FAT3: variants seen among roughly 807,000 people sequenced by gnomAD.
FAT3 encodes protocadherin Fat 3.
Under a neutral mutation model 310.2 loss-of-function variants are expected in FAT3, and 95 were observed. That is an observed-to-expected ratio of 0.31 (90% CI 0.26 to 0.36). FAT3 has a LOEUF of 0.36. Ranked by LOEUF, FAT3 falls within the 10% of genes least tolerant of loss-of-function variation. The pLI, the probability that FAT3 is intolerant of heterozygous loss-of-function variation, is 1.00. For synonymous variants in FAT3, 2,314 were observed against 2,192.9 expected (o/e 1.06, Z -1.54); for missense variants, 5,408 against 5,715.6 (o/e 0.95, Z 1.74).
intron 19 of FAT3, among the ~76,000 whole-genome samples, chr11:92,852,071 G>T (rs552777376): frequency 1.3e-5 from 2 of 152,174 alleles, no homozygotes; most frequent in African/African-American, 2.4e-5. Context: ...CTGGAAAGAG[G>T]GTTGCTATCC....
intron 2 of FAT3, among the ~76,000 whole-genome samples, chr11:92,477,732 C>T (rs867726802): frequency 3.3e-5 from 5 of 152,226 alleles, no homozygotes; most frequent in East Asian, 3.9e-4. Flanking sequence ...GAGCAGGTGC[C>T]GAGTAAATAT....
chr11:92,254,194 G>T (rs1204292453), intron 1 of FAT3, among the ~76,000 whole-genome samples: 1 of 152,106 alleles, frequency 6.6e-6, no homozygotes, highest in Non-Finnish European at 1.5e-5. Flanking sequence ...GCCCAGCAAC[G>T]CTGCCTTCTG....
intron 2 of FAT3, among the ~76,000 whole-genome samples, chr11:92,485,457 A>C (rs1459379022): frequency 6.6e-6 from 1 of 152,214 alleles, no homozygotes; most frequent in Non-Finnish European, 1.5e-5. Context: ...ACCAGACTAT[A>C]GCTGTATTTA....
rs750842432 is a variant in FAT3, at chr11:92,805,329, A to T, written c.9073A>T (p.Asn3025Tyr). The stretch of plus-strand genomic sequence containing the variant: ...AGTGAGCGTCAGTGATGTGAATGAC[A>T]ATAGCCCAGTGTGTGATCAGGTGAG... ...VEVSVSDVNDNSPVCDQVAYT... is the reference protein window; with the variant it reads ...VEVSVSDVNDYSPVCDQVAYT... The change falls in exon 11 of 28, where the codon AAT (asparagine) becomes TAT (tyrosine). Residue 3025 changes from asparagine to tyrosine, a missense_variant. Asn to Tyr is a moderately radical substitution (Grantham distance 143). Around this residue, in one of 5 missense-constraint regions of FAT3, gnomAD observed 4,588 missense variants for 4,809.8 expected, o/e 0.95. Transcript: ENST00000525166. 1.2e-6 allele frequency: 2 copies of T among 1,613,576 alleles called. No individual in the cohort carries two copies. The highest frequency in any genetic ancestry group is 1.7e-6 in the Non-Finnish European group (2 of 1,179,716).
intron 1 of FAT3, among the ~76,000 whole-genome samples, chr11:92,241,525 G>C (rs1864668652): frequency 6.6e-6 from 1 of 151,930 alleles, no homozygotes; most frequent in Non-Finnish European, 1.5e-5. Context: ...CAGAAAATGG[G>C]TCTGTGCTGG....
In FAT3 at chr11:92,836,648, C is replaced by G. The variant is rs1427098209; in HGVS notation, c.10169C>G (p.Thr3390Ser). The change falls in exon 16 of 28, where the codon ACT becomes AGT. Residue 3390 changes from threonine (T) to serine (S), a missense_variant. Physicochemically the swap from Thr to Ser is moderately conservative, Grantham distance 58. Coordinates refer to ENST00000525166, the MANE Select transcript of FAT3 (RefSeq NM_001367949.2). ...IVNGDRDNEF[T>S]VDPVLGLVKV... is the part of the protein sequence containing the mutation. ...AATGGAGATCGGGACAATGAATTTA[C>G]TGTAGATCCTGTCTTGGGACTTGTG... 17 of 1,613,614 alleles carry G rather than the reference C, an allele frequency of 1.1e-5. No individual in the cohort carries two copies. The highest frequency in any genetic ancestry group is 1.4e-5 in the Non-Finnish European group (17 of 1,179,752).
intron 3 of FAT3, among the ~76,000 whole-genome samples, chr11:92,596,904 G>A (rs1311314378): frequency 1.3e-5 from 2 of 152,224 alleles, no homozygotes; most frequent in Non-Finnish European, 2.9e-5. Flanking sequence ...CATTCCTGTG[G>A]ATTTTGTTCT....
chr11:92,355,997 T>C (rs1469658453), intron 2 of FAT3, among the ~76,000 whole-genome samples: 1 of 152,200 alleles, frequency 6.6e-6, no homozygotes, highest in African/African-American at 2.4e-5. Context: ...TTGCTATGAA[T>C]TTTATTTATA....
At chr11:92,735,565 GATA>G (rs1945318775) in intron 4 of FAT3, among the ~76,000 whole-genome samples, 1 of 127,800 alleles carries the variant, frequency 7.8e-6, no homozygotes, top group African/African-American at 2.8e-5. Flanking sequence ...AGCATAGATA[GATA>G]GATAGATAGA....
intron 3 of FAT3, among the ~76,000 whole-genome samples, chr11:92,649,473 C>T (rs1439881940): frequency 6.6e-6 from 1 of 152,156 alleles, no homozygotes; most frequent in African/African-American, 2.4e-5. Flanking sequence ...TGGTTATTTT[C>T]TTCCTTCACT....
intron 3 of FAT3, among the ~76,000 whole-genome samples, chr11:92,643,675 G>A (rs1942043555): frequency 6.6e-6 from 1 of 152,182 alleles, no homozygotes; most frequent in Non-Finnish European, 1.5e-5. Context: ...GACAGTCCCT[G>A]GCATTATGAA....
chr11:92,863,948 G>T (rs1014749030), intron 21 of FAT3, among the ~76,000 whole-genome samples: 2 of 152,196 alleles, frequency 1.3e-5, no homozygotes, highest in Non-Finnish European at 2.9e-5. Flanking sequence ...CTAGGATTTT[G>T]ACAATCCAAA....
chr11:92,542,443 G>A (rs759249735), intron 3 of FAT3, among the ~76,000 whole-genome samples: 12 of 151,608 alleles, frequency 7.9e-5, no homozygotes, highest in African/African-American at 1.2e-4. Context: ...CTAATAAGGG[G>A]CTAATAAATA....
chr11:92,670,538 T>TG (rs772735023), intron 3 of FAT3, among the ~76,000 whole-genome samples: 45 of 152,282 alleles, frequency 3.0e-4, no homozygotes, highest in Admixed American at 4.6e-4. Flanking sequence ...CTGCCTTGTT[T>TG]GGGGGGATGA....
chr11:92,571,483 C>A (rs1392180358), intron 3 of FAT3, among the ~76,000 whole-genome samples: 3 of 152,214 alleles, frequency 2.0e-5, no homozygotes, highest in African/African-American at 7.2e-5. Context: ...CCTGTTAGCC[C>A]CAACTGGAAA....
Position 92,352,524 on chromosome 11 carries a change from T to C in FAT3, c.412T>C (p.Leu138=), listed in dbSNP as rs1024047799. The C allele has an allele frequency of 6.2e-7, 1 of 1,613,536 alleles. No homozygotes were observed. Among genetic ancestry groups the C allele is most frequent in the Non-Finnish European group, 8.5e-7 (1 of 1,179,776 alleles). ...AAAAGGTTCTGTCAGAGGAGAGGAT[T>C]TGGAAGCATGGACCAAAGTGAATAT... ...IVKGSVRGED[L]EAWTKVNIQV... The change falls in exon 2 of 28, where the codon TTG becomes CTG. Residue 138 remains leucine, a synonymous_variant. Transcript: ENST00000525166.
At position 92,642,641 on chromosome 11, in the gene FAT3, C is replaced by T. The variant is rs79269931; in HGVS notation, c.3608-54743C>T. On this transcript the variant is annotated intron_variant, in intron 3 of 27. Transcript: ENST00000525166. ...AAACAAGGCAGATAGTGATGCATTA[C>T]TGCCCATTTGAGGATTGGCTGAGCA... Among the ~76,000 whole-genome samples the T allele has an allele frequency of 6.5e-4, 99 of 152,374 alleles. No individual in the cohort carries two copies. The East Asian group carries it at 0.017, about 26-fold the overall frequency.
intron 2 of FAT3, among the ~76,000 whole-genome samples, chr11:92,509,689 G>A (rs534540125): frequency 1.1e-3 from 164 of 152,182 alleles, no homozygotes; most frequent in African/African-American, 3.7e-3. Context: ...TTATTAATGC[G>A]GAAAGATGTT....
chr11:92,712,721 G>T (rs1944561306), intron 4 of FAT3, among the ~76,000 whole-genome samples: 1 of 152,162 alleles, frequency 6.6e-6, no homozygotes, highest in Middle Eastern at 3.2e-3. Context: ...CTTTTGCCCA[G>T]ATATTTCCAA....
Sources: gnomAD v4.1 joint callset for allele counts (sites outside exome capture counted in the v4.1 genomes callset) on GRCh38, gnomAD v4.1.1 for gene constraint, gnomAD v4.1.1 regional missense constraint, MANE v1.5 for transcripts, NCBI Gene and HGNC (gene_info 2026-07-23, HGNC 2026-07-21) for gene names.